Variants in RBFOX1 observed in about 807,000 individuals in gnomAD.
RBFOX1 encodes the protein RNA binding protein fox-1 homolog 1.
In RBFOX1, 8 loss-of-function variants were observed where a neutral mutation model predicts 57.7. The ratio of observed to expected loss-of-function variants is 0.14; its 90% CI spans 0.08 to 0.25. RBFOX1 has a LOEUF of 0.25. RBFOX1 is among the 10% of genes least tolerant of loss of function. RBFOX1 has a pLI of 1.00. For missense variants in RBFOX1, 611 were observed against 548.5 expected, an observed-to-expected ratio of 1.11 and a Z score of -1.14; for synonymous variants, 326 against 222.4, an observed-to-expected ratio of 1.47 and a Z score of -4.15.
rs1597410163 is a variant in RBFOX1 at position 6,450,775 on chromosome 16, ATATATATATATATACATATATATATG to A, written c.-64+133733_-64+133758del. On this transcript the variant is annotated intron_variant, in intron 2 of 15. Transcript: ENST00000550418. ...TATACATATATATATGTGTATATAT[ATATATATATATATACATATATATATG>A]TATATATATATATATACATATATAT... Among the ~76,000 whole-genome samples the A allele has an allele frequency of 1.1e-4, 4 of 35,206 alleles. 1 individual carries two copies. Among genetic ancestry groups the A allele is most frequent in the East Asian group, 1.0e-3 (2 of 1,944 alleles). The allele number at this position is 35,206 out of a possible 152,430, so 23.1% of individuals were successfully genotyped here. A position where few individuals can be genotyped will look rare whatever the true frequency, so the allele number is the denominator to read the frequency against.
chr16:6,258,213 A>G (rs1228787916), intron 1 of RBFOX1, among the ~76,000 whole-genome samples: 1 of 152,164 alleles, frequency 6.6e-6, no homozygotes, highest in African/African-American at 2.4e-5. Flanking sequence ...GCCATTAAAG[A>G]CATTTGGAAA....
chr16:6,442,445 T>C (rs908443204), intron 2 of RBFOX1, among the ~76,000 whole-genome samples: 1 of 151,742 alleles, frequency 6.6e-6, no homozygotes, highest in South Asian at 2.1e-4. Context: ...TAATCCCAGC[T>C]ACTCAGGAGG....
At chr16:5,294,415 G>A (rs2063611569) in intron 1 of RBFOX1, among the ~76,000 whole-genome samples, 1 of 152,140 alleles carries the variant, frequency 6.6e-6, no homozygotes, top group South Asian at 2.1e-4. Flanking sequence ...ACTTGTTCAT[G>A]TTTTACTTGT....
intron 3 of RBFOX1, among the ~76,000 whole-genome samples, chr16:7,036,730 CAA>C (rs2044557159): frequency 7.6e-6 from 1 of 132,024 alleles, no homozygotes; most frequent in Non-Finnish European, 1.7e-5. Context: ...AAAAAACAAA[CAA>C]AGAAAAAAAA....
At chr16:6,964,047 C>G (rs1042884713) in intron 3 of RBFOX1, among the ~76,000 whole-genome samples, 2 of 151,694 alleles carry the variant, frequency 1.3e-5, no homozygotes, top group African/African-American at 4.8e-5. Context: ...AACATGAAGT[C>G]TTGCTCTGTC....
At chr16:5,253,847 C>T (rs1016430631) in intron 1 of RBFOX1, among the ~76,000 whole-genome samples, 1 of 152,224 alleles carries the variant, frequency 6.6e-6, no homozygotes, top group Non-Finnish European at 1.5e-5. Flanking sequence ...AAAGATTTTC[C>T]CTCTCCCTGC....
At chr16:7,553,961 A>T (rs189717953) in intron 5 of RBFOX1, among the ~76,000 whole-genome samples, 1 of 152,312 alleles carries the variant, frequency 6.6e-6, no homozygotes, top group East Asian at 1.9e-4. Flanking sequence ...GAATGTAAGA[A>T]GGCCAGGCCC....
intron 1 of RBFOX1, among the ~76,000 whole-genome samples, chr16:5,431,374 T>C (rs1447334344): frequency 6.6e-6 from 1 of 152,128 alleles, no homozygotes; most frequent in Non-Finnish European, 1.5e-5. Context: ...TGGCTTATTT[T>C]ATTTATTTAT....
At chr16:6,109,377 G>A (rs188994566) in intron 1 of RBFOX1, among the ~76,000 whole-genome samples, 4 of 152,184 alleles carry the variant, frequency 2.6e-5, no homozygotes, top group Admixed American at 2.0e-4. Flanking sequence ...ATTCCATATT[G>A]GAAAGACATG....
intron 1 of RBFOX1, among the ~76,000 whole-genome samples, chr16:6,302,526 G>A (rs2078936896): frequency 6.6e-6 from 1 of 152,128 alleles, no homozygotes. Context: ...TTGTGGGTAG[G>A]AATGTGTCAT....
chr16:5,557,887 G>A (rs1221152911), intron 2 of RBFOX1, among the ~76,000 whole-genome samples: 1 of 152,172 alleles, frequency 6.6e-6, no homozygotes, highest in Non-Finnish European at 1.5e-5. Flanking sequence ...TGGCCACACC[G>A]ACAAACAGCT....
At chr16:6,247,425 TC>T (rs564353216) in intron 1 of RBFOX1, among the ~76,000 whole-genome samples, 334 of 152,324 alleles carry the variant, frequency 2.2e-3, no homozygotes, top group Middle Eastern at 0.017. Flanking sequence ...AGACATGCTG[TC>T]TTTTTCACAG....
intron 4 of RBFOX1, among the ~76,000 whole-genome samples, chr16:7,235,616 C>A (rs1375375465): frequency 6.6e-6 from 1 of 152,192 alleles, no homozygotes; most frequent in African/African-American, 2.4e-5. Context: ...GCAGCCATAT[C>A]TTGGGATGAA....
intron 3 of RBFOX1, among the ~76,000 whole-genome samples, chr16:5,721,553 G>A (rs554351616): frequency 2.5e-4 from 38 of 152,262 alleles, no homozygotes; most frequent in South Asian, 1.0e-3. Flanking sequence ...CTCATCTTAG[G>A]GGAAGGCATT....
chr16:7,375,975 C>G (rs1365715783), intron 4 of RBFOX1, among the ~76,000 whole-genome samples: 1 of 152,202 alleles, frequency 6.6e-6, no homozygotes, highest in East Asian at 1.9e-4. Flanking sequence ...CATTGGTAGG[C>G]CAAACCCCTA....
At chr16:6,966,344 A>G (rs569104912) in intron 3 of RBFOX1, among the ~76,000 whole-genome samples, 1 of 152,064 alleles carries the variant, frequency 6.6e-6, no homozygotes, top group Admixed American at 6.6e-5. Context: ...CTCTCAGAGC[A>G]CACACAGTCT....
At chr16:6,152,959 G>A (rs1410255663) in intron 1 of RBFOX1, among the ~76,000 whole-genome samples, 1 of 151,940 alleles carries the variant, frequency 6.6e-6, no homozygotes, top group East Asian at 1.9e-4. Context: ...TTGCAATGTA[G>A]GTTCTGGATC....
At chr16:6,575,258 A>G (rs190225367) in intron 2 of RBFOX1, among the ~76,000 whole-genome samples, 58 of 152,282 alleles carry the variant, frequency 3.8e-4, no homozygotes, top group East Asian at 7.7e-4. Context: ...CCTAGTGTCT[A>G]AAGGCAATGA....
At chr16:5,720,516 C>T (rs1356809693) in intron 3 of RBFOX1, among the ~76,000 whole-genome samples, 1 of 152,096 alleles carries the variant, frequency 6.6e-6, no homozygotes, top group Non-Finnish European at 1.5e-5. Context: ...TTTACCTAAG[C>T]CAAGGTTGTA....
Sources: gnomAD v4.1 joint callset for allele counts (sites outside exome capture counted in the v4.1 genomes callset) on GRCh38, gnomAD v4.1.1 for gene constraint, MANE v1.5 for transcripts, NCBI Gene and HGNC (gene_info 2026-07-23, HGNC 2026-07-21) for gene names.